ACYP2: variants seen among roughly 807,000 people sequenced by gnomAD.
ACYP2 encodes acylphosphatase 2.
Under a neutral mutation model 11.2 loss-of-function variants are expected in ACYP2, and 12 were observed. The observed-to-expected ratio is 1.08, with a 90% CI of 0.69 to 1.74. The LOEUF is 1.74. ACYP2 is among the 40% of genes most tolerant of loss of function. The pLI is 0.00. For missense variants in ACYP2, 134 were observed against 101.9 expected, an observed-to-expected ratio of 1.31 and a Z score of -1.35; for synonymous variants, 43 against 32.2, an observed-to-expected ratio of 1.33 and a Z score of -1.13.
chr2:54,182,737 C>T (rs1558594040), intron 6 of ACYP2, among the ~76,000 whole-genome samples: 1 of 152,180 alleles, frequency 6.6e-6, no homozygotes, highest in Non-Finnish European at 1.5e-5. Flanking sequence ...ACATAACTGG[C>T]AGAGACTCCT....
intron 6 of ACYP2, among the ~76,000 whole-genome samples, chr2:54,283,045 G>C (rs1368776955): frequency 6.6e-6 from 1 of 152,142 alleles, no homozygotes; most frequent in Non-Finnish European, 1.5e-5. Context: ...ATGATAGCAT[G>C]GTTGATTTGA....
chr2:54,049,712 T>TA (rs1164225477), intron 2 of ACYP2, among the ~76,000 whole-genome samples: 6 of 152,144 alleles, frequency 3.9e-5, no homozygotes, highest in Non-Finnish European at 8.8e-5. Flanking sequence ...GTATTTTTTT[T>TA]AAAAAAGAGT....
intron 4 of ACYP2, among the ~76,000 whole-genome samples, chr2:54,064,824 G>A (rs918239046): frequency 6.6e-6 from 1 of 152,160 alleles, no homozygotes; most frequent in Non-Finnish European, 1.5e-5. Context: ...GGTGGCTCAC[G>A]CCTGTAATCC....
intron 4 of ACYP2, among the ~76,000 whole-genome samples, chr2:54,068,413 T>C (rs979100610): frequency 5.9e-5 from 9 of 152,322 alleles, no homozygotes; most frequent in Non-Finnish European, 1.0e-4. Context: ...AATTTTCTCT[T>C]AGGACTTGAG....
At chr2:54,054,615 T>A (rs1676025817) in intron 3 of ACYP2, among the ~76,000 whole-genome samples, 1 of 152,216 alleles carries the variant, frequency 6.6e-6, no homozygotes, top group Non-Finnish European at 1.5e-5. Flanking sequence ...GAAGCTGAGG[T>A]TCTCCAGTGC....
chr2:54,015,943 C>G (rs1414602911), intron 2 of ACYP2, among the ~76,000 whole-genome samples: 1 of 151,896 alleles, frequency 6.6e-6, no homozygotes, highest in African/African-American at 2.4e-5. Flanking sequence ...GGGATTATGG[C>G]TGGGAGATAC....
At chr2:54,149,559 A>G (rs1320343126) in intron 6 of ACYP2, among the ~76,000 whole-genome samples, 2 of 152,218 alleles carry the variant, frequency 1.3e-5, no homozygotes, top group African/African-American at 4.8e-5. Context: ...ATCATGTTAA[A>G]TTAATGTACA....
At chr2:54,041,854 G>A (rs574229452) in intron 2 of ACYP2, among the ~76,000 whole-genome samples, 6 of 151,928 alleles carry the variant, frequency 3.9e-5, no homozygotes, top group Non-Finnish European at 8.8e-5. Flanking sequence ...ACACTGGCAC[G>A]ATCACAGCTC....
At chr2:53,980,706 C>T (rs1328476647) in intron 2 of ACYP2, among the ~76,000 whole-genome samples, 1 of 152,078 alleles carries the variant, frequency 6.6e-6, no homozygotes, top group Non-Finnish European at 1.5e-5. Context: ...AGAGCAAGTT[C>T]TAGTCCTACA....
At chr2:54,190,676 C>T (rs144843377) in intron 6 of ACYP2, among the ~76,000 whole-genome samples, 65 of 152,140 alleles carry the variant, frequency 4.3e-4, no homozygotes, top group Admixed American at 1.6e-3. Context: ...GGAGTCCCAG[C>T]GTATAGTGCT....
At chr2:54,276,618 T>TAC (rs1244258156) in intron 6 of ACYP2, among the ~76,000 whole-genome samples, 4 of 71,926 alleles carry the variant, frequency 5.6e-5, no homozygotes, top group Non-Finnish European at 8.9e-5. Context: ...AGATTGTTCT[T>TAC]TCACACACAC....
At chr2:54,252,294 T>G (rs73934416) in intron 6 of ACYP2, among the ~76,000 whole-genome samples, 2,172 of 151,760 alleles carry the variant, frequency 0.014, 43 homozygotes, top group African/African-American at 0.044. Flanking sequence ...AAAAATTGGG[T>G]TTTTTTTTCC....
intron 4 of ACYP2, among the ~76,000 whole-genome samples, chr2:54,116,068 T>C (rs959711644): frequency 4.0e-5 from 6 of 151,852 alleles, no homozygotes; most frequent in African/African-American, 7.3e-5. Flanking sequence ...TGAAGTTGGG[T>C]AGGAAAAGAA....
At chr2:54,110,670 C>T (rs1308589521) in intron 4 of ACYP2, among the ~76,000 whole-genome samples, 1 of 152,090 alleles carries the variant, frequency 6.6e-6, no homozygotes, top group Non-Finnish European at 1.5e-5. Context: ...CAACACCCAC[C>T]TCAGGATCCA....
At chr2:53,989,603 C>A (rs1362710676) in intron 2 of ACYP2, among the ~76,000 whole-genome samples, 1 of 152,126 alleles carries the variant, frequency 6.6e-6, no homozygotes, top group Non-Finnish European at 1.5e-5. Context: ...TAGGCTCTGA[C>A]CTCTAACTTT....
chr2:54,264,056 A>T (rs927165889), intron 6 of ACYP2, among the ~76,000 whole-genome samples: 16 of 152,158 alleles, frequency 1.1e-4, no homozygotes, highest in African/African-American at 3.6e-4. Context: ...GGTCTCACTG[A>T]CTTCAAGAAT....
intron 2 of ACYP2, among the ~76,000 whole-genome samples, chr2:54,030,865 A>C (rs1451874504): frequency 1.3e-5 from 2 of 152,196 alleles, no homozygotes; most frequent in African/African-American, 4.8e-5. Flanking sequence ...TAGAAATATA[A>C]ACAAGTTCAC....
In ACYP2 at chr2:54,293,083, C is replaced by T. The variant is rs116108878; in HGVS notation, c.405-11605C>T. Among the ~76,000 whole-genome samples, 724 of 152,250 alleles carry T rather than the reference C, an allele frequency of 4.8e-3. 8 individuals are homozygous for T. Among genetic ancestry groups the T allele is most frequent in the African/African-American group, 0.013 (550 of 41,530 alleles). On this transcript the variant is annotated intron_variant, in intron 6 of 6. Coordinates refer to ENST00000607452, the MANE Select transcript of ACYP2 (RefSeq NM_001320586.2). ...CACTTTACAGATTATTTTATTTAAT[C>T]GTCACCGCAACTCTGTGAGGGAGGC...
intron 6 of ACYP2, among the ~76,000 whole-genome samples, chr2:54,161,949 A>AT (rs1344927422): frequency 1.3e-5 from 2 of 152,126 alleles, no homozygotes; most frequent in East Asian, 1.9e-4. Context: ...CTATTTTGGG[A>AT]TTTTTTTAAA....
Sources: gnomAD v4.1 joint callset for allele counts (sites outside exome capture counted in the v4.1 genomes callset) on GRCh38, gnomAD v4.1.1 for gene constraint, MANE v1.5 for transcripts, NCBI Gene and HGNC (gene_info 2026-07-23, HGNC 2026-07-21) for gene names.